RPS6KA1: variants seen among roughly 807,000 people sequenced by gnomAD.
RPS6KA1 encodes ribosomal protein S6 kinase A1.
A neutral mutation model predicts 91.3 loss-of-function variants in RPS6KA1; 48 were observed. That is an observed-to-expected ratio of 0.53 (90% CI 0.42 to 0.67). The LOEUF (loss-of-function observed/expected upper bound fraction) is 0.67. Ranked by LOEUF, RPS6KA1 falls within the 30% of genes least tolerant of loss-of-function variation. The pLI is 0.00. For missense variants in RPS6KA1, 719 were observed against 960.5 expected (o/e 0.75, Z 3.32); for synonymous variants, 359 against 384.7 (o/e 0.93, Z 0.78).
Position 26,571,542 on chromosome 1 carries a change from A to G in RPS6KA1, c.1684A>G (p.Lys562Glu). 1.2e-6 allele frequency: 2 copies of G among 1,614,246 alleles called. No individual in the cohort carries two copies. Among genetic ancestry groups the G allele is most frequent in the Non-Finnish European group, 1.7e-6 (2 of 1,180,036 alleles). Reference protein sequence around the residue: ...CLRICDFGFAKQLRAENGLLM... With the variant: ...CLRICDFGFAEQLRAENGLLM... ...GCGCATCTGTGACTTTGGTTTTGCC[A>G]AACAGCTGCGGGCTGAGAATGGGCT... The change falls in exon 18 of 22, where the codon AAA becomes GAA. Residue 562 changes from lysine (K) to glutamate (E), a missense_variant. Lys to Glu is a moderately conservative substitution (Grantham distance 56, BLOSUM62 1). This residue lies in a region of RPS6KA1 where 249 missense variants were observed against 323.1 expected (regional missense o/e 0.77). Coordinates refer to ENST00000374168, the MANE Select transcript of RPS6KA1 (RefSeq NM_002953.4). This position sits in a 1 kb window ranked among gnomAD's most constrained non-coding sequence, Gnocchi z 5.1.
intron 2 of RPS6KA1, among the ~76,000 whole-genome samples, chr1:26,539,820 T>C (rs941249609): frequency 5.9e-5 from 9 of 152,106 alleles, no homozygotes; most frequent in Admixed American, 5.9e-4. Context: ...CTTCTGGGAG[T>C]GGACTGGGCA....
Position 26,546,947 on chromosome 1 carries a change from G to C in RPS6KA1, c.189G>C (p.Glu63Asp). 6.2e-7 allele frequency: 1 copy of C among 1,614,144 alleles called. No homozygotes were observed. The highest frequency in any genetic ancestry group is 8.5e-7 in the Non-Finnish European group (1 of 1,180,040). The change falls in exon 3 of 22, where the codon GAG becomes GAC. Residue 63 changes from glutamate (E) to aspartate (D), a missense_variant. Coordinates refer to ENST00000374168, the MANE Select transcript of RPS6KA1 (RefSeq NM_002953.4). ...AGAAGGCTGATCCATCCCATTTCGAGCTCCTCAAGGTTCTGGGCCAGGGAT... is the reference window on the plus strand; with the variant it reads ...AGAAGGCTGATCCATCCCATTTCGACCTCCTCAAGGTTCTGGGCCAGGGAT... ...GSEKADPSHF[E>D]LLKVLGQGSF...
At chr1:26,566,106 A>G (rs944661607) in intron 17 of RPS6KA1, among the ~76,000 whole-genome samples, 2 of 152,174 alleles carry the variant, frequency 1.3e-5, no homozygotes, top group Non-Finnish European at 2.9e-5. Context: ...GCTGGGTCAG[A>G]GTGTTTGTGT....
intron 13 of RPS6KA1, among the ~76,000 whole-genome samples, chr1:26,557,402 A>G (rs2076112488): frequency 6.6e-6 from 1 of 152,160 alleles, no homozygotes; most frequent in Non-Finnish European, 1.5e-5. Flanking sequence ...CTTCCAGCCC[A>G]CTGGGAAGAC....
intron 15 of RPS6KA1, 26 bp downstream of exon 15, chr1:26,560,877 C>T (rs2076147997): frequency 6.2e-7 from 1 of 1,613,998 alleles, no homozygotes; most frequent in Non-Finnish European, 8.5e-7. Flanking sequence ...ACGTCTCGGC[C>T]AAGGCTGCTG....
At chr1:26,552,596 C>T (rs1274047835) in intron 6 of RPS6KA1, among the ~76,000 whole-genome samples, 2 of 149,638 alleles carry the variant, frequency 1.3e-5, no homozygotes, top group African/African-American at 2.5e-5. Flanking sequence ...AAGCAATTCT[C>T]CTGCCTCAGC....
chr1:26,540,278 G>A lies in RPS6KA1; in HGVS notation c.108+3309G>A, dbSNP rs555139793. On this transcript the variant is annotated intron_variant, in intron 2 of 21. Transcript: ENST00000374168. The surrounding 1 kb of genome is among the most constrained non-coding windows in gnomAD (Gnocchi z 4.2). ...CCTTCATTTTACAGAGGAGGAAACCGAGGTTCAGACAGGGAAACAGATTTG... is the reference window on the plus strand; with the variant it reads ...CCTTCATTTTACAGAGGAGGAAACCAAGGTTCAGACAGGGAAACAGATTTG... 6.6e-5 allele frequency among the ~76,000 whole-genome samples: 10 copies of A among 152,316 alleles called. No individual in the cohort carries two copies. Among genetic ancestry groups the A allele is most frequent in the East Asian group, 3.9e-4 (2 of 5,182 alleles).
chr1:26,569,791 A>G (rs2076234548), intron 17 of RPS6KA1, among the ~76,000 whole-genome samples: 1 of 152,174 alleles, frequency 6.6e-6, no homozygotes, highest in South Asian at 2.1e-4. Flanking sequence ...GTGAACGGGC[A>G]TTCCACAGAC....
Position 26,546,979 on chromosome 1 carries a change from G to A in RPS6KA1, c.221G>A (p.Gly74Asp). 1.2e-6 allele frequency: 2 copies of A among 1,613,166 alleles called. No individual in the cohort carries two copies. The highest frequency in any genetic ancestry group is 1.7e-6 in the Non-Finnish European group (2 of 1,179,166). Residue 74 changes from glycine to aspartate, a missense_variant, in exon 3 of 22, where the codon GGC becomes GAC. By Grantham distance (94) the Gly-to-Asp change is moderately conservative (BLOSUM62 -1). Coordinates refer to ENST00000374168, the MANE Select transcript of RPS6KA1 (RefSeq NM_002953.4). Reference sequence around the variant, plus strand: ...AAGGTTCTGGGCCAGGGATCCTTTGGCAAAGTGAGTCATGAGCCCATAGCT... The same window carrying A: ...AAGGTTCTGGGCCAGGGATCCTTTGACAAAGTGAGTCATGAGCCCATAGCT... ...LLKVLGQGSF[G>D]KVFLVRKVTR...
At chr1:26,573,979 C>A in intron 21 of RPS6KA1, 100 bp from the exon 22 acceptor site, 1 of 1,347,106 alleles carries the variant, frequency 7.4e-7, no homozygotes, top group Non-Finnish European at 1.0e-6. Context: ...AAAAAGTGGG[C>A]TGTGGAACAC....
At chr1:26,559,751 G>A (rs1182249466) in intron 14 of RPS6KA1, among the ~76,000 whole-genome samples, 1 of 152,104 alleles carries the variant, frequency 6.6e-6, no homozygotes, top group African/African-American at 2.4e-5. Flanking sequence ...AATGATAGAA[G>A]CTTCCTCCAT....
At chr1:26,537,285 A>G (rs1256393872) in intron 2 of RPS6KA1, among the ~76,000 whole-genome samples, 1 of 152,158 alleles carries the variant, frequency 6.6e-6, no homozygotes. Flanking sequence ...CTAAGGAGTG[A>G]TGGGAGGGGC....
chr1:26,548,217 C>G (rs923820032), intron 4 of RPS6KA1, among the ~76,000 whole-genome samples: 3 of 152,092 alleles, frequency 2.0e-5, no homozygotes, highest in African/African-American at 7.2e-5. Flanking sequence ...AGATGAAAAG[C>G]CTGGGTCCCT....
chr1:26,573,068 G>A (rs1294380030), intron 20 of RPS6KA1, among the ~76,000 whole-genome samples, 156 bp from the exon 21 acceptor site: 1 of 152,200 alleles, frequency 6.6e-6, no homozygotes, highest in East Asian at 1.9e-4. Flanking sequence ...CCTTGGCTGT[G>A]TGCGGGGAGC....
At chr1:26,538,780 T>C (rs1021155755) in intron 2 of RPS6KA1, among the ~76,000 whole-genome samples, 3 of 152,088 alleles carry the variant, frequency 2.0e-5, no homozygotes, top group Non-Finnish European at 4.4e-5. Flanking sequence ...AGCACTGGCT[T>C]TCTGTGATTC....
intron 2 of RPS6KA1, chr1:26,545,948 C>G: frequency 6.2e-7 from 1 of 1,600,764 alleles, no homozygotes; most frequent in Middle Eastern, 1.8e-4. Flanking sequence ...GGGCCCTGAT[C>G]CCCTGGCTTC....
At chr1:26,559,412 G>T (rs2076134507) in intron 14 of RPS6KA1, among the ~76,000 whole-genome samples, 1 of 152,068 alleles carries the variant, frequency 6.6e-6, no homozygotes. Context: ...TGTTGCCCAG[G>T]CTGGAGTGCA....
Position 26,561,602 on chromosome 1 carries a change from G to A in RPS6KA1, c.1529G>A (p.Arg510Gln), listed in dbSNP as rs763102864. The change falls in exon 17 of 22, where the codon CGG (arginine) becomes CAG (glutamine). Residue 510 changes from arginine to glutamine, a missense_variant. By Grantham distance (43) the Arg-to-Gln change is conservative. Transcript: ENST00000374168. This position sits in a 1 kb window ranked among gnomAD's most constrained non-coding sequence, Gnocchi z 5.7. ...CTGCGGCAGAAGTTCTTCTCAGAGC[G>A]GGAGGCCAGCTTTGTCCTGCACACC... ...KILRQKFFSE[R>Q]EASFVLHTIG... The A allele has an allele frequency of 6.3e-5, 102 of 1,613,906 alleles. No individual in the cohort carries two copies. Among genetic ancestry groups the A allele is most frequent in the Middle Eastern group, 3.3e-4 (2 of 6,084 alleles).
chr1:26,559,487 C>G (rs1316582523), intron 14 of RPS6KA1, among the ~76,000 whole-genome samples: 1 of 151,972 alleles, frequency 6.6e-6, no homozygotes, highest in Admixed American at 6.6e-5. Flanking sequence ...CTGCCTCAGT[C>G]TCCCGAATAG....
Sources: gnomAD v4.1 joint callset for allele counts (sites outside exome capture counted in the v4.1 genomes callset) on GRCh38, gnomAD v4.1.1 for gene constraint, gnomAD v4.1.1 regional missense constraint, Gnocchi (gnomAD v3.1) non-coding constraint, MANE v1.5 for transcripts, NCBI Gene and HGNC (gene_info 2026-07-23, HGNC 2026-07-21) for gene names.